NXN: variants seen among roughly 807,000 people sequenced by gnomAD.
NXN encodes the protein nucleoredoxin 1.
In NXN, 16 loss-of-function variants were observed where a neutral mutation model predicts 48.6. The ratio of observed to expected loss-of-function variants is 0.33; its 90% CI spans 0.22 to 0.50. The LOEUF is 0.50. NXN is among the 20% of genes least tolerant of loss of function. The pLI, the probability that NXN is intolerant of heterozygous loss-of-function variation, is 0.98. For synonymous variants in NXN, 281 were observed against 269.6 expected, an observed-to-expected ratio of 1.04 and a Z score of -0.41; for missense variants, 492 against 605.5, an observed-to-expected ratio of 0.81 and a Z score of 1.97.
intron 1 of NXN, among the ~76,000 whole-genome samples, chr17:954,342 T>C (rs1040892278): frequency 2.0e-5 from 3 of 151,444 alleles, no homozygotes; most frequent in Non-Finnish European, 4.4e-5. Context: ...GATCGCACCA[T>C]TGCACTCCAG....
At position 940,572 on chromosome 17, in the gene NXN, C is replaced by T. The variant is rs531597633; in HGVS notation, c.360+38747G>A. Reference sequence around the variant, plus strand: ...TTCACCACTCAGAACCAGGTACGGACGGCATGCCTCATCTCACAACAGCCC... The same window carrying T: ...TTCACCACTCAGAACCAGGTACGGATGGCATGCCTCATCTCACAACAGCCC... On this transcript the variant is annotated intron_variant, in intron 1 of 7. Transcript: ENST00000336868. 2.1e-3 allele frequency among the ~76,000 whole-genome samples: 316 copies of T among 152,336 alleles called. 10 individuals carry two copies. The South Asian group carries it at 0.062, about 30-fold the overall frequency.
At chr17:942,277 C>A (rs1400423630) in intron 1 of NXN, among the ~76,000 whole-genome samples, 66 of 106,382 alleles carry the variant, frequency 6.2e-4, no homozygotes, top group East Asian at 1.2e-3. Context: ...TTACAGTGAA[C>A]AAGATTCCAG....
chr17:974,813 T>TTTTATTTA lies in NXN; in HGVS notation c.360+4498_360+4505dup, dbSNP rs34003449. Among the ~76,000 whole-genome samples, 685 of 150,246 alleles carry TTTTATTTA rather than the reference T, an allele frequency of 4.6e-3. 9 individuals carry two copies. Among genetic ancestry groups the TTTTATTTA allele is most frequent in the East Asian group, 0.015 (77 of 5,142 alleles). On this transcript the variant is annotated intron_variant, in intron 1 of 7. Coordinates refer to ENST00000336868, the MANE Select transcript of NXN (RefSeq NM_022463.5). ...AGGAACATTGCTCTTATTACTTTAT[T>TTTTATTTA]TTTATTTATTTATTTATTTATTTAT... is the stretch of plus-strand genomic sequence containing the variant.
In NXN at chr17:956,081, A is replaced by G. The variant is rs2069166108; in HGVS notation, c.360+23238T>C. Among the ~76,000 whole-genome samples the G allele has an allele frequency of 6.6e-6, 1 of 152,136 alleles. No individual in the cohort carries two copies. Among genetic ancestry groups the G allele is most frequent in the African/African-American group, 2.4e-5 (1 of 41,438 alleles). On this transcript the variant is annotated intron_variant, in intron 1 of 7. Transcript: ENST00000336868. The surrounding 1 kb of genome is among the most constrained non-coding windows in gnomAD (Gnocchi z 4.1). ...TTCCAGGGTATCATTCAGTGACTGC[A>G]TTGTTCAATATTTTGAAATAAGGGC...
chr17:802,850 G>C (rs540911257), intron 7 of NXN, among the ~76,000 whole-genome samples: 2 of 150,774 alleles, frequency 1.3e-5, no homozygotes, highest in African/African-American at 4.9e-5. Flanking sequence ...CAAACACAGC[G>C]TGAAATCAGC....
At chr17:906,922 T>C (rs1313756332) in intron 1 of NXN, among the ~76,000 whole-genome samples, 1 of 152,064 alleles carries the variant, frequency 6.6e-6, no homozygotes, top group African/African-American at 2.4e-5. Context: ...GCTATTCCAG[T>C]TACTTTAAGA....
intron 1 of NXN, chr17:905,017 CACAACT>C (rs1201005484): frequency 6.6e-6 from 1 of 152,140 alleles, no homozygotes; most frequent in African/African-American, 2.4e-5. Context: ...CTCCTACACC[CACAACT>C]ACGGATCTAA....
At chr17:904,969 G>A (rs1213167355) in intron 1 of NXN, among the ~76,000 whole-genome samples, 2 of 152,158 alleles carry the variant, frequency 1.3e-5, no homozygotes, top group African/African-American at 2.4e-5. Context: ...CCCGTCTTCT[G>A]CTCCTCTTCA....
intron 1 of NXN, among the ~76,000 whole-genome samples, chr17:922,376 A>G (rs565292920): frequency 1.3e-5 from 2 of 152,178 alleles, no homozygotes; most frequent in East Asian, 3.9e-4. Flanking sequence ...CCCGGGAGGC[A>G]GAGGTTGTGG....
At chr17:808,517 A>G (rs1911716679) in intron 5 of NXN, among the ~76,000 whole-genome samples, 1 of 151,714 alleles carries the variant, frequency 6.6e-6, no homozygotes, top group Non-Finnish European at 1.5e-5. Flanking sequence ...ATGGTCTCGA[A>G]CTCCCGACCT....
intron 1 of NXN, among the ~76,000 whole-genome samples, chr17:880,803 G>A (rs913339506): frequency 6.6e-6 from 1 of 152,126 alleles, no homozygotes; most frequent in African/African-American, 2.4e-5. Flanking sequence ...TTGGCCAAAA[G>A]AGTAAGCTGA....
At chr17:805,694 T>C (rs138306459) in intron 5 of NXN, among the ~76,000 whole-genome samples, 5,600 of 152,022 alleles carry the variant, frequency 0.037, 159 homozygotes, top group East Asian at 0.076. Context: ...AAAAACTAGC[T>C]GGGCGTGGTG....
At chr17:854,060 T>C (rs1273552617) in intron 1 of NXN, among the ~76,000 whole-genome samples, 4 of 152,132 alleles carry the variant, frequency 2.6e-5, no homozygotes, top group Non-Finnish European at 4.4e-5. Context: ...GAATCATGTG[T>C]GTCCCCCCAC....
chr17:938,065 C>G (rs747454429), intron 1 of NXN, among the ~76,000 whole-genome samples: 9 of 152,258 alleles, frequency 5.9e-5, no homozygotes, highest in Non-Finnish European at 1.0e-4. Flanking sequence ...ATTTGAAAAC[C>G]CACCAAGGCC....
intron 6 of NXN, 115 bp downstream of exon 6, chr17:804,953 A>G (rs1911404139): frequency 3.5e-6 from 4 of 1,128,984 alleles, no homozygotes; most frequent in Non-Finnish European, 5.1e-6. Context: ...ACAAAGGCCC[A>G]GGCTTGCACT....
chr17:959,330 A>T (rs2069208363), intron 1 of NXN: 2 of 252,528 alleles, frequency 7.9e-6, no homozygotes, highest in Non-Finnish European at 7.6e-6. Context: ...GGCCCGCGAC[A>T]CTCCAAGGAG....
chr17:899,670 G>A (rs2068519585), intron 1 of NXN, among the ~76,000 whole-genome samples: 1 of 152,132 alleles, frequency 6.6e-6, no homozygotes, highest in Non-Finnish European at 1.5e-5. Context: ...TTTAGGTACA[G>A]GGTTTCTTTT....
chr17:926,549 T>G (rs146181535), intron 1 of NXN, among the ~76,000 whole-genome samples: 1 of 110,396 alleles, frequency 9.1e-6, no homozygotes, highest in Non-Finnish European at 2.0e-5. Flanking sequence ...TTTTTTGTTT[T>G]TTTGTTTTTT....
chr17:901,045 C>G (rs146242827), intron 1 of NXN, among the ~76,000 whole-genome samples: 2 of 151,558 alleles, frequency 1.3e-5, no homozygotes, highest in Admixed American at 6.6e-5. Flanking sequence ...CTCAGCCTCC[C>G]GAGTAGCTGG....
Sources: allele counts gnomAD v4.1 joint callset (sites outside exome capture counted in the v4.1 genomes callset), GRCh38; gene constraint gnomAD v4.1.1; non-coding constraint Gnocchi (gnomAD v3.1); transcripts MANE v1.5; gene names NCBI Gene and HGNC (gene_info 2026-07-23, HGNC 2026-07-21).